Variants in CACNA1E observed in about 807,000 individuals in gnomAD.
CACNA1E encodes calcium voltage-gated channel subunit alpha1 E, also known as voltage-dependent R-type calcium channel subunit alpha-1E.
A neutral mutation model predicts 259.2 loss-of-function variants in CACNA1E; 40 were observed. That is an observed-to-expected ratio of 0.15 (90% CI 0.12 to 0.20). The LOEUF is 0.20. CACNA1E is among the 10% of genes least tolerant of loss of function. The pLI is 1.00. For missense variants in CACNA1E, 1,874 were observed against 3,040.1 expected, an observed-to-expected ratio of 0.62 and a Z score of 9.02; for synonymous variants, 1,104 against 1,138.5, an observed-to-expected ratio of 0.97 and a Z score of 0.61.
chr1:181,653,666 C>T (rs1226831790), intron 7 of CACNA1E, among the ~76,000 whole-genome samples: 1 of 152,228 alleles, frequency 6.6e-6, no homozygotes, highest in African/African-American at 2.4e-5. Flanking sequence ...TAATCTCTGC[C>T]TCTGTGATCA....
At chr1:181,414,261 T>C (rs1050376706) in intron 2 of CACNA1E, among the ~76,000 whole-genome samples, 1 of 152,260 alleles carries the variant, frequency 6.6e-6, no homozygotes, top group Non-Finnish European at 1.5e-5. Flanking sequence ...CGGAGTTTAC[T>C]CGGCATGCTG....
chr1:181,558,569 G>A (rs1457311122), intron 3 of CACNA1E, among the ~76,000 whole-genome samples: 1 of 152,170 alleles, frequency 6.6e-6, no homozygotes, highest in East Asian at 1.9e-4. Context: ...AGGTGCATGC[G>A]AGAGCCCTGA....
rs962517860 is a variant in CACNA1E at position 181,361,136 on chromosome 1, C to G, written c.-15+43013C>G. On this transcript the variant is annotated intron_variant, in intron 1 of 11. Transcript: ENST00000524607. ...TTCATGTGGTCTCCTCAATCTGTGG[C>G]CTAGACACTGAATCCTCTCTGCTCC... Among the ~76,000 whole-genome samples, 8 of 152,172 alleles carry G rather than the reference C, an allele frequency of 5.3e-5. 1 individual carries two copies. The highest frequency in any genetic ancestry group is 4.1e-4 in the South Asian group (2 of 4,828).
chr1:181,576,074 GCCC>G (rs1650943925), intron 3 of CACNA1E, among the ~76,000 whole-genome samples: 2 of 152,188 alleles, frequency 1.3e-5, no homozygotes, highest in African/African-American at 4.8e-5. Flanking sequence ...AGACTCCACT[GCCC>G]CAAGTCCCCC....
At chr1:181,356,992 G>GTTCAT (rs1653499495) in intron 1 of CACNA1E, among the ~76,000 whole-genome samples, 1 of 152,122 alleles carries the variant, frequency 6.6e-6, no homozygotes, top group Admixed American at 6.6e-5. Context: ...GTAAACGACG[G>GTTCAT]TTCATTTCTG....
At chr1:181,620,046 A>G (rs1655587188) in intron 6 of CACNA1E, among the ~76,000 whole-genome samples, 1 of 152,224 alleles carries the variant, frequency 6.6e-6, no homozygotes, top group Admixed American at 6.5e-5. Flanking sequence ...ATTGTAGTAT[A>G]TAGTTTTTAA....
intron 3 of CACNA1E, among the ~76,000 whole-genome samples, chr1:181,555,196 A>G (rs1648593042): frequency 6.6e-6 from 1 of 152,204 alleles, no homozygotes; most frequent in African/African-American, 2.4e-5. Context: ...TTTTTAAAAA[A>G]TATTCATAAG....
intron 2 of CACNA1E, among the ~76,000 whole-genome samples, chr1:181,426,821 A>C (rs1263335297): frequency 6.4e-5 from 6 of 93,542 alleles, no homozygotes; most frequent in African/African-American, 2.7e-4. Context: ...TCCCATCTCA[A>C]CTCCTTCCCA....
intron 1 of CACNA1E, among the ~76,000 whole-genome samples, chr1:181,395,766 T>G (rs1159613306): frequency 6.6e-6 from 1 of 151,974 alleles, no homozygotes; most frequent in Non-Finnish European, 1.5e-5. Context: ...ATCCATGAGG[T>G]CGAAGGAAAA....
At chr1:181,404,977 C>T (rs1396501827) in intron 1 of CACNA1E, among the ~76,000 whole-genome samples, 3 of 152,234 alleles carry the variant, frequency 2.0e-5, no homozygotes, top group Non-Finnish European at 4.4e-5. Context: ...GGTGGCAACT[C>T]AGACTGGCTC....
chr1:181,464,133 G>A (rs537871221), intron 2 of CACNA1E, among the ~76,000 whole-genome samples: 1 of 151,960 alleles, frequency 6.6e-6, no homozygotes, highest in Non-Finnish European at 1.5e-5. Flanking sequence ...TCTCACCCAT[G>A]TCTCACTAAT....
intron 38 of CACNA1E, among the ~76,000 whole-genome samples, chr1:181,778,900 A>G (rs1660184732): frequency 6.6e-6 from 1 of 152,202 alleles, no homozygotes; most frequent in Non-Finnish European, 1.5e-5. Flanking sequence ...GATTTCCCTC[A>G]TGCCAACTGT....
At chr1:181,452,705 T>C (rs1403014118) in intron 2 of CACNA1E, among the ~76,000 whole-genome samples, 1 of 152,212 alleles carries the variant, frequency 6.6e-6, no homozygotes, top group Non-Finnish European at 1.5e-5. Context: ...CCCTAAACCC[T>C]CCTCCGAAGT....
At position 181,381,288 on chromosome 1, in the gene CACNA1E, A is replaced by G. The variant is rs77361186; in HGVS notation, c.-14-31845A>G. On this transcript the variant is annotated intron_variant, in intron 1 of 11. Coordinates refer to the CACNA1E transcript ENST00000524607. Reference sequence around the variant, plus strand: ...CAGATGCATGGATAAACAAACCCATATATCAACACAATGGAATACTATGTG... The same window carrying G: ...CAGATGCATGGATAAACAAACCCATGTATCAACACAATGGAATACTATGTG... Among the ~76,000 whole-genome samples, 115 of 152,344 alleles carry G rather than the reference A, an allele frequency of 7.5e-4. 2 individuals carry two copies. The highest frequency in any genetic ancestry group is 1.4e-3 in the Non-Finnish European group (97 of 68,026).
Position 181,732,064 on chromosome 1 carries a change from CGTG to C in CACNA1E, c.2298-317_2298-315del, listed in dbSNP as rs1295485877. On this transcript the variant is annotated intron_variant, in intron 19 of 47. Coordinates refer to ENST00000367573, the MANE Select transcript of CACNA1E (RefSeq NM_001205293.3). This position sits in a 1 kb window ranked among gnomAD's most constrained non-coding sequence, Gnocchi z 5.5. ...AGCAAGGAGAGCAGGGGAGTGAAGA[CGTG>C]GTAAGCCTGTGGATGGCTGCCCCAG... 6.6e-6 allele frequency among the ~76,000 whole-genome samples: 1 copy of C among 151,808 alleles called. No individual in the cohort carries two copies. Among genetic ancestry groups the C allele is most frequent in the Non-Finnish European group, 1.5e-5 (1 of 67,970 alleles).
intron 6 of CACNA1E, among the ~76,000 whole-genome samples, chr1:181,615,314 G>A (rs2103130830): frequency 6.6e-6 from 1 of 152,094 alleles, no homozygotes; most frequent in Non-Finnish European, 1.5e-5. Flanking sequence ...CTCAGCCTCT[G>A]GAGTAGCTGG....
chr1:181,572,420 G>C (rs1167740629), intron 3 of CACNA1E, among the ~76,000 whole-genome samples: 2 of 152,176 alleles, frequency 1.3e-5, no homozygotes, highest in African/African-American at 4.8e-5. Flanking sequence ...AACATTCAAG[G>C]TAGGGTTGAG....
At chr1:181,703,499 G>A (rs1405332275) in intron 7 of CACNA1E, among the ~76,000 whole-genome samples, 2 of 152,060 alleles carry the variant, frequency 1.3e-5, no homozygotes, top group Non-Finnish European at 2.9e-5. Flanking sequence ...GTTAAAAACC[G>A]AAACAGGAAA....
chr1:181,640,944 G>A (rs1269396383), intron 6 of CACNA1E, among the ~76,000 whole-genome samples: 1 of 152,172 alleles, frequency 6.6e-6, no homozygotes, highest in Non-Finnish European at 1.5e-5. Context: ...TGGGAATGGA[G>A]GACCAATATG....
Sources: gnomAD v4.1 joint callset for allele counts (sites outside exome capture counted in the v4.1 genomes callset) on GRCh38, gnomAD v4.1.1 for gene constraint, Gnocchi (gnomAD v3.1) non-coding constraint, MANE v1.5 for transcripts, NCBI Gene and HGNC (gene_info 2026-07-23, HGNC 2026-07-21) for gene names.